FAT3: variants seen among roughly 807,000 people sequenced by gnomAD.
The protein encoded by FAT3 is FAT atypical cadherin 3.
Under a neutral mutation model 310.2 loss-of-function variants are expected in FAT3, and 95 were observed. That is an observed-to-expected ratio of 0.31 (90% CI 0.26 to 0.36). The LOEUF is 0.36. FAT3 is among the 10% of genes least tolerant of loss of function. The probability of loss-of-function intolerance (pLI) is 1.00; values close to 1 mark genes in which losing one functional copy is unlikely to be tolerated. For synonymous variants in FAT3, 2,314 were observed against 2,192.9 expected (o/e 1.06, Z -1.54); for missense variants, 5,408 against 5,715.6 (o/e 0.95, Z 1.74).
intron 1 of FAT3, among the ~76,000 whole-genome samples, chr11:92,313,287 G>C (rs945282250): frequency 6.6e-6 from 1 of 152,096 alleles, no homozygotes; most frequent in African/African-American, 2.4e-5. Context: ...ATCCACATCT[G>C]GGACTACCAA....
intron 3 of FAT3, among the ~76,000 whole-genome samples, chr11:92,595,057 T>C (rs1270932188): frequency 6.6e-6 from 1 of 151,912 alleles, no homozygotes; most frequent in East Asian, 1.9e-4. Context: ...AGAATAATCA[T>C]GATGCCCATG....
intron 2 of FAT3, among the ~76,000 whole-genome samples, chr11:92,372,357 T>C (rs1408286230): frequency 6.6e-6 from 1 of 151,696 alleles, no homozygotes; most frequent in African/African-American, 2.4e-5. Context: ...GTGGTACAGG[T>C]TGGCCTGAGC....
At chr11:92,881,264 T>C (rs145102485) in intron 23 of FAT3, among the ~76,000 whole-genome samples, 176 of 152,338 alleles carry the variant, frequency 1.2e-3, no homozygotes, top group Admixed American at 4.1e-3. Context: ...CCTATTGTTT[T>C]TTGATCATTC....
At chr11:92,560,064 A>G (rs1955167419) in intron 3 of FAT3, among the ~76,000 whole-genome samples, 1 of 152,204 alleles carries the variant, frequency 6.6e-6, no homozygotes, top group South Asian at 2.1e-4. Flanking sequence ...GCACCATTAT[A>G]CATCCCACTA....
intron 1 of FAT3, among the ~76,000 whole-genome samples, chr11:92,248,044 T>G (rs1363379900): frequency 6.6e-6 from 1 of 152,136 alleles, no homozygotes; most frequent in Non-Finnish European, 1.5e-5. Context: ...TAAATGAACA[T>G]TTAAGAAGTA....
intron 2 of FAT3, among the ~76,000 whole-genome samples, chr11:92,448,149 AGTT>A (rs896085817): frequency 6.6e-6 from 1 of 152,124 alleles, no homozygotes; most frequent in Non-Finnish European, 1.5e-5. Context: ...TACCTTTTAG[AGTT>A]GTTGTGAAGA....
intron 2 of FAT3, among the ~76,000 whole-genome samples, chr11:92,486,537 G>T (rs920685408): frequency 2.0e-5 from 3 of 152,026 alleles, no homozygotes; most frequent in Non-Finnish European, 4.4e-5. Flanking sequence ...ATTTGTGTCA[G>T]ATACTGTAAT....
At chr11:92,636,089 G>T (rs535489222) in intron 3 of FAT3, among the ~76,000 whole-genome samples, 1 of 151,998 alleles carries the variant, frequency 6.6e-6, no homozygotes, top group Non-Finnish European at 1.5e-5. Flanking sequence ...TCAGCCTCCC[G>T]AGTAACTGGG....
intron 4 of FAT3, among the ~76,000 whole-genome samples, chr11:92,718,800 C>G (rs1242359869): frequency 1.3e-5 from 2 of 152,070 alleles, no homozygotes; most frequent in Admixed American, 1.3e-4. Flanking sequence ...TTTGCTGTAT[C>G]CAGTCCTGAT....
chr11:92,771,417 T>A (rs901564236), intron 6 of FAT3, among the ~76,000 whole-genome samples: 1 of 151,854 alleles, frequency 6.6e-6, no homozygotes, highest in Non-Finnish European at 1.5e-5. Context: ...GATGCTTAAG[T>A]GGTAGGTTAT....
chr11:92,553,084 T>A (rs905586203), intron 3 of FAT3, among the ~76,000 whole-genome samples: 1 of 152,196 alleles, frequency 6.6e-6, no homozygotes, highest in Non-Finnish European at 1.5e-5. Context: ...AGAGCACTTT[T>A]CAGCTTCTTC....
chr11:92,726,895 C>G (rs1945017789), intron 4 of FAT3, among the ~76,000 whole-genome samples: 1 of 151,916 alleles, frequency 6.6e-6, no homozygotes, highest in Non-Finnish European at 1.5e-5. Context: ...AATAAGAGAA[C>G]AGGACACTAT....
rs376021168 is a variant in FAT3 at position 92,236,631 on chromosome 11, T to C, written c.-18+11457T>C. On this transcript the variant is annotated intron_variant, in intron 1 of 27. Coordinates refer to ENST00000525166, the MANE Select transcript of FAT3 (RefSeq NM_001367949.2). ...CCACAGGAGCATGAGAAATGTGTAA[T>C]GCTCTTAATTTCTTATTAAGTGATC... is the stretch of plus-strand genomic sequence containing the variant. Among the ~76,000 whole-genome samples, 41 of 152,332 alleles carry C rather than the reference T, an allele frequency of 2.7e-4. 1 individual carries two copies. In the South Asian group the frequency reaches 8.3e-3, roughly 31 times the overall value.
At chr11:92,578,699 A>G (rs1938622157) in intron 3 of FAT3, among the ~76,000 whole-genome samples, 1 of 152,148 alleles carries the variant, frequency 6.6e-6, no homozygotes, top group Non-Finnish European at 1.5e-5. Flanking sequence ...CCTGAATCAT[A>G]TAATCTTCCT....
chr11:92,531,558 C>T (rs1375595612), intron 3 of FAT3, among the ~76,000 whole-genome samples: 1 of 152,088 alleles, frequency 6.6e-6, no homozygotes, highest in Non-Finnish European at 1.5e-5. Flanking sequence ...GAGGTACTTC[C>T]TGGAACTACA....
At chr11:92,592,503 G>A (rs1391987309) in intron 3 of FAT3, among the ~76,000 whole-genome samples, 1 of 151,806 alleles carries the variant, frequency 6.6e-6, no homozygotes, top group African/African-American at 2.4e-5. Flanking sequence ...TGTATTTTTA[G>A]TAGAGATGGG....
chr11:92,412,955 A>G (rs2134935805), intron 2 of FAT3, among the ~76,000 whole-genome samples: 1 of 151,040 alleles, frequency 6.6e-6, no homozygotes, highest in Non-Finnish European at 1.5e-5. Context: ...TAGTCATCCA[A>G]CTCCTACAGT....
chr11:92,746,451 G>A (rs753369205), intron 4 of FAT3, among the ~76,000 whole-genome samples: 12 of 152,184 alleles, frequency 7.9e-5, no homozygotes, highest in South Asian at 2.1e-4. Flanking sequence ...TGGTCCCACC[G>A]TTGATATGTG....
At position 92,512,845 on chromosome 11, in the gene FAT3, G is replaced by A. The variant is rs537788872; in HGVS notation, c.3293-11789G>A. 6.1e-4 allele frequency among the ~76,000 whole-genome samples: 39 copies of A among 63,944 alleles called. 4 individuals carry two copies. Among genetic ancestry groups the A allele is most frequent in the African/African-American group, 2.7e-3 (37 of 13,606 alleles). 41.9% of individuals were successfully genotyped at this position (63,944 alleles called of 152,430 possible). On this transcript the variant is annotated intron_variant, in intron 2 of 27. Coordinates refer to ENST00000525166, the MANE Select transcript of FAT3 (RefSeq NM_001367949.2). ...AACATCTAAGTTAAGATTATCGGCC[G>A]GGCGCGGTGGCTCACGCCTGTAATC...
Sources: gnomAD v4.1 joint callset for allele counts (sites outside exome capture counted in the v4.1 genomes callset) on GRCh38, gnomAD v4.1.1 for gene constraint, MANE v1.5 for transcripts, NCBI Gene and HGNC (gene_info 2026-07-23, HGNC 2026-07-21) for gene names.